FBXO31: variants seen among roughly 807,000 people sequenced by gnomAD.
FBXO31 encodes F-box protein 31.
Under a neutral mutation model 54.4 loss-of-function variants are expected in FBXO31, and 24 were observed. The ratio of observed to expected loss-of-function variants is 0.44; its 90% CI spans 0.32 to 0.62. The LOEUF (loss-of-function observed/expected upper bound fraction) is 0.62, where lower values mean the gene tolerates loss of function less well. Ranked by LOEUF, FBXO31 falls within the 20% of genes least tolerant of loss-of-function variation. The pLI, the probability that FBXO31 is intolerant of heterozygous loss-of-function variation, is 0.05. For missense variants in FBXO31, 665 were observed against 787.1 expected (o/e 0.84, Z 1.86); for synonymous variants, 388 against 335.6 (o/e 1.16, Z -1.71).
chr16:87,373,303 T>G (rs570393333), intron 1 of FBXO31, among the ~76,000 whole-genome samples: 1 of 151,832 alleles, frequency 6.6e-6, no homozygotes, highest in African/African-American at 2.4e-5. Flanking sequence ...TACAAAAAAA[T>G]TAGCCGAGCA....
At chr16:87,355,121 G>A (rs1905836737) in intron 2 of FBXO31, among the ~76,000 whole-genome samples, 1 of 152,232 alleles carries the variant, frequency 6.6e-6, no homozygotes, top group East Asian at 1.9e-4. Context: ...ACTTTGGGAG[G>A]TCAAGGCAGA....
At chr16:87,367,531 C>T (rs1489715491) in intron 1 of FBXO31, 1 of 152,234 alleles carries the variant, frequency 6.6e-6, no homozygotes, top group Non-Finnish European at 1.5e-5. Context: ...AGTACTTTAT[C>T]CTCTTCTTAC....
chr16:87,352,035 G>C (rs542381506), intron 2 of FBXO31, among the ~76,000 whole-genome samples: 1 of 152,284 alleles, frequency 6.6e-6, no homozygotes, highest in South Asian at 2.1e-4. Flanking sequence ...ATGTGGGGTG[G>C]GGTGGGGGGC....
chr16:87,378,429 C>T (rs537518708), intron 1 of FBXO31, among the ~76,000 whole-genome samples: 3 of 152,202 alleles, frequency 2.0e-5, no homozygotes, highest in South Asian at 4.1e-4. Context: ...TTAGAGAGAA[C>T]TTAGCGGAAT....
chr16:87,362,784 T>G (rs1315673283), intron 1 of FBXO31, among the ~76,000 whole-genome samples: 1 of 152,230 alleles, frequency 6.6e-6, no homozygotes, highest in African/African-American at 2.4e-5. Flanking sequence ...CAGGCTGGTC[T>G]CCAACTCCTG....
chr16:87,382,002 G>C (rs1907099927), intron 1 of FBXO31, among the ~76,000 whole-genome samples: 1 of 151,652 alleles, frequency 6.6e-6, no homozygotes, highest in Non-Finnish European at 1.5e-5. Context: ...CACAGCCTGG[G>C]TGACAGAGTG....
chr16:87,359,722 C>A (rs1004615583), intron 2 of FBXO31, among the ~76,000 whole-genome samples: 3 of 152,196 alleles, frequency 2.0e-5, no homozygotes, highest in African/African-American at 7.2e-5. Flanking sequence ...AAGTCCCTGG[C>A]ACTGAAGAAA....
upstream of FBXO31, chr16:87,384,184 G>A (rs1004262415): frequency 6.5e-6 from 1 of 152,712 alleles, no homozygotes; most frequent in South Asian, 2.1e-4. Flanking sequence ...CCGAAACTGT[G>A]CCGCGCCGGC....
Position 87,383,049 on chromosome 16 carries a change from G to A in FBXO31, c.340+356C>T, listed in dbSNP as rs1239782760. Reference sequence around the variant, plus strand: ...CCCCAGGCGTCAGCTTAGGCCCCGCGCAGACCTCGAGGGATCCCAGCCCCA... The same window carrying A: ...CCCCAGGCGTCAGCTTAGGCCCCGCACAGACCTCGAGGGATCCCAGCCCCA... On this transcript the variant is annotated intron_variant, in intron 1 of 8. Transcript: ENST00000311635. This position sits in a 1 kb window ranked among gnomAD's most constrained non-coding sequence, Gnocchi z 4.9. Among the ~76,000 whole-genome samples, 2 of 152,094 alleles carry A rather than the reference G, an allele frequency of 1.3e-5. No homozygotes were observed. The highest frequency in any genetic ancestry group is 6.5e-5 in the Admixed American group (1 of 15,274).
chr16:87,387,087 C>A (rs1476518398), upstream of FBXO31, among the ~76,000 whole-genome samples: 2 of 151,460 alleles, frequency 1.3e-5, no homozygotes, highest in Non-Finnish European at 2.9e-5. Context: ...TTGCTTGAGC[C>A]CAGGAGACTA....
In FBXO31 at chr16:87,343,636, T is replaced by A. The variant is rs1279547843; in HGVS notation, c.619A>T (p.Met207Leu). The part of the protein sequence containing the change: ...MERKAATVEC[M>L]YGHKGPHHGH... ...TGGTGGGGCCCTTTGTGGCCGTACA[T>A]GCACTCCACTGTGGCAGCCTTCCTC... Residue 207 changes from methionine (M) to leucine (L), a missense_variant, in exon 4 of 9, where the codon ATG (methionine) becomes TTG (leucine). Physicochemically the swap from Met to Leu is conservative, Grantham distance 15 (BLOSUM62 2). This residue lies in a region of FBXO31 where 234 missense variants were observed against 346.8 expected (regional missense o/e 0.67). Transcript: ENST00000311635. 1 of 1,613,660 alleles carries A rather than the reference T, an allele frequency of 6.2e-7. No individual in the cohort carries two copies. The highest frequency in any genetic ancestry group is 8.5e-7 in the Non-Finnish European group (1 of 1,179,806).
rs1904788126 is a variant in FBXO31, at chr16:87,329,906, G to C, written c.*1382C>G. 6.6e-6 allele frequency: 1 copy of C among 152,304 alleles called. No individual in the cohort carries two copies. Among genetic ancestry groups the C allele is most frequent in the South Asian group, 2.1e-4 (1 of 4,836 alleles). The allele number at this position is 152,304 out of a possible 1,614,324, so 9.4% of individuals were successfully genotyped here. ...GGCCAGTCAAGGAGAAATTCATCAG[G>C]AAAACATTTCCCAGGACATCCTCAG... On this transcript the variant is annotated 3_prime_UTR_variant, in exon 9 of 9. Transcript: ENST00000311635.
intron 1 of FBXO31, 71 bp from the exon 2 acceptor site, chr16:87,360,437 G>T: frequency 7.2e-7 from 1 of 1,383,970 alleles, no homozygotes; most frequent in Non-Finnish European, 1.0e-6. Flanking sequence ...GCAGGCTGCT[G>T]ATGGCTGGCA....
chr16:87,348,686 C>G (rs564849520), intron 2 of FBXO31, among the ~76,000 whole-genome samples: 1 of 152,274 alleles, frequency 6.6e-6, no homozygotes, highest in East Asian at 1.9e-4. Context: ...AAGCACAGGT[C>G]CCAGGGCCCC....
At chr16:87,381,883 G>A (rs1907094496) in intron 1 of FBXO31, among the ~76,000 whole-genome samples, 2 of 151,928 alleles carry the variant, frequency 1.3e-5, no homozygotes, top group African/African-American at 2.4e-5. Flanking sequence ...AATTAGCCGG[G>A]CACGGTGGCA....
rs1904687236 is a variant in FBXO31, at chr16:87,327,455, C to T, written c.*3833G>A. ...GGTGGATCACCTGAGATCGGGAGTT[C>T]GAGACCAACCTGAGCAACATGGCAA... On this transcript the variant is annotated 3_prime_UTR_variant, in exon 9 of 9. Transcript: ENST00000311635. 2 of 152,414 alleles carry T rather than the reference C, an allele frequency of 1.3e-5. No individual in the cohort carries two copies. Among genetic ancestry groups the T allele is most frequent in the East Asian group, 1.9e-4 (1 of 5,190 alleles). The allele number at this position is 152,414 out of a possible 1,614,324, so 9.4% of individuals were successfully genotyped here.
intron 5 of FBXO31, among the ~76,000 whole-genome samples, chr16:87,340,505 A>G (rs544014287): frequency 2.7e-4 from 41 of 152,376 alleles, no homozygotes; most frequent in Admixed American, 2.2e-3. Context: ...TAAGCCTTAC[A>G]TTTCACATCA....
intron 8 of FBXO31, 105 bp from the exon 9 acceptor site, chr16:87,331,615 C>T (rs1224570188): frequency 3.1e-6 from 3 of 960,584 alleles, no homozygotes; most frequent in Non-Finnish European, 4.6e-6. Flanking sequence ...GAGCCACATC[C>T]ACTGTTCATC....
rs1416697637 is a variant in FBXO31 at position 87,345,857 on chromosome 16, G to C, written c.489+1317C>G. ...ATGTCTGGCACCTGCAGGCTGGAGA[G>C]GCACACACGGAGACCAGGTCTACAC... On this transcript the variant is annotated intron_variant, in intron 3 of 8. Coordinates refer to ENST00000311635, the MANE Select transcript of FBXO31 (RefSeq NM_024735.5). The surrounding 1 kb of genome is among the most constrained non-coding windows in gnomAD (Gnocchi z 4.9). 1.3e-5 allele frequency among the ~76,000 whole-genome samples: 2 copies of C among 152,184 alleles called. No homozygotes were observed. Among genetic ancestry groups the C allele is most frequent in the African/African-American group, 4.8e-5 (2 of 41,452 alleles).
Sources: allele counts gnomAD v4.1 joint callset (sites outside exome capture counted in the v4.1 genomes callset), GRCh38; gene constraint gnomAD v4.1.1; regional missense constraint gnomAD v4.1.1; non-coding constraint Gnocchi (gnomAD v3.1); transcripts MANE v1.5; gene names NCBI Gene and HGNC (gene_info 2026-07-23, HGNC 2026-07-21).